RAB2A: variants seen among roughly 807,000 people sequenced by gnomAD.
RAB2A encodes the protein ras-related protein Rab-2A.
A neutral mutation model predicts 32.5 loss-of-function variants in RAB2A; 7 were observed. The ratio of observed to expected loss-of-function variants is 0.22; its 90% CI spans 0.12 to 0.40. The LOEUF (loss-of-function observed/expected upper bound fraction) is 0.40, where lower values mean the gene tolerates loss of function less well. RAB2A is among the 10% of genes least tolerant of loss of function. The pLI, the probability that RAB2A is intolerant of heterozygous loss-of-function variation, is 1.00. For synonymous variants in RAB2A, 79 were observed against 85.2 expected (o/e 0.93, Z 0.40); for missense variants, 108 against 260.7 (o/e 0.41, Z 4.03).
Position 60,623,602 on chromosome 8 carries a change from TTAAAA to T in RAB2A, c.*2838_*2842del, listed in dbSNP as rs1392604298. ...TTTAGATGTGTGCTTTATGTTTACA[TTAAAA>T]TAAAGCCTAACGCCACAGTAGATCA... On this transcript the variant is annotated 3_prime_UTR_variant, in exon 8 of 8. Coordinates refer to ENST00000262646, the MANE Select transcript of RAB2A (RefSeq NM_002865.3). 17 of 152,236 alleles carry T rather than the reference TTAAAA, an allele frequency of 1.1e-4. No homozygotes were observed. Among genetic ancestry groups the T allele is most frequent in the Non-Finnish European group, 2.2e-4 (15 of 68,038 alleles). 9.4% of individuals were successfully genotyped at this position (152,236 alleles called of 1,614,324 possible).
intron 1 of RAB2A, among the ~76,000 whole-genome samples, chr8:60,536,706 T>C (rs1011138662): frequency 6.6e-6 from 1 of 152,252 alleles, no homozygotes; most frequent in Non-Finnish European, 1.5e-5. Context: ...ATTTCACTTA[T>C]AGAATGTTCC....
chr8:60,545,090 T>C (rs1429139492), intron 1 of RAB2A, among the ~76,000 whole-genome samples: 1 of 152,166 alleles, frequency 6.6e-6, no homozygotes, highest in East Asian at 1.9e-4. Context: ...CTTGTGGTTG[T>C]AAAAATAGAA....
chr8:60,561,835 T>G (rs1273194866), intron 2 of RAB2A, among the ~76,000 whole-genome samples: 1 of 152,220 alleles, frequency 6.6e-6, no homozygotes, highest in African/African-American at 2.4e-5. Flanking sequence ...ACATAGCCAC[T>G]ACCAGAATTC....
intron 5 of RAB2A, among the ~76,000 whole-genome samples, chr8:60,586,242 A>T (rs1035378920): frequency 6.6e-6 from 1 of 152,148 alleles, no homozygotes; most frequent in African/African-American, 2.4e-5. Context: ...GGCTGCAGTG[A>T]ACTGTGTTCA....
At position 60,603,434 on chromosome 8, in the gene RAB2A, G is replaced by T. The variant is rs777204797; in HGVS notation, c.474+11465G>T. Reference sequence around the variant, plus strand: ...TTGTTCCAGCACTAGCTGTGTTGTTGCTGGAAATAAGTTTACTATTAGTCT... The same window carrying T: ...TTGTTCCAGCACTAGCTGTGTTGTTTCTGGAAATAAGTTTACTATTAGTCT... On this transcript the variant is annotated intron_variant, in intron 6 of 7. Transcript: ENST00000262646. Among the ~76,000 whole-genome samples, 15 of 152,166 alleles carry T rather than the reference G, an allele frequency of 9.9e-5. No individual in the cohort carries two copies. In the South Asian group the frequency reaches 1.0e-3, roughly 11 times the overall value.
chr8:60,603,808 G>A (rs912836099), intron 6 of RAB2A, among the ~76,000 whole-genome samples: 3 of 152,044 alleles, frequency 2.0e-5, no homozygotes, highest in African/African-American at 7.3e-5. Context: ...ATTACTTGAC[G>A]CCAGGAGTTC....
At chr8:60,568,914 A>T (rs528760660) in intron 2 of RAB2A, among the ~76,000 whole-genome samples, 1 of 152,334 alleles carries the variant, frequency 6.6e-6, no homozygotes, top group Admixed American at 6.5e-5. Flanking sequence ...TCTAAATGGG[A>T]TTCTCAAGCA....
At chr8:60,592,772 G>A (rs1319104) in intron 6 of RAB2A, among the ~76,000 whole-genome samples, 81,122 of 151,944 alleles carry the variant, frequency 0.53, 24,540 homozygotes, top group African/African-American at 0.83. Flanking sequence ...AGATGATTAC[G>A]TAGTTGATCC....
intron 3 of RAB2A, among the ~76,000 whole-genome samples, chr8:60,574,904 G>C (rs7833549): frequency 1.3e-5 from 2 of 152,188 alleles, no homozygotes; most frequent in South Asian, 4.2e-4. Flanking sequence ...ATGGTGGTCC[G>C]TTTAAAGACA....
At position 60,622,628 on chromosome 8, in the gene RAB2A, A is replaced by T. The variant is rs1464993722; in HGVS notation, c.*1859A>T. ...TTTTTAAGCTTCTGTTAATTTTTCC[A>T]GAAGTTTAGTGCGTTTCTTTTCCAT... On this transcript the variant is annotated 3_prime_UTR_variant, in exon 8 of 8. Transcript: ENST00000262646. 1.3e-5 allele frequency: 2 copies of T among 152,218 alleles called. No individual in the cohort carries two copies. The highest frequency in any genetic ancestry group is 2.9e-5 in the Non-Finnish European group (2 of 68,026). The allele number at this position is 152,218 out of a possible 1,614,324, so 9.4% of individuals were successfully genotyped here. A position where few individuals can be genotyped will look rare whatever the true frequency, so the allele number is the denominator to read the frequency against.
chr8:60,577,029 T>G (rs1803643960), intron 3 of RAB2A, among the ~76,000 whole-genome samples: 1 of 144,190 alleles, frequency 6.9e-6, no homozygotes, highest in East Asian at 2.1e-4. Flanking sequence ...TCGGTGATCA[T>G]ATCCTATTTT....
At chr8:60,518,120 G>A (rs538053113) in intron 1 of RAB2A, among the ~76,000 whole-genome samples, 1 of 152,086 alleles carries the variant, frequency 6.6e-6, no homozygotes, top group Non-Finnish European at 1.5e-5. Flanking sequence ...TTAAAATGAC[G>A]TCCTAGTATA....
At chr8:60,598,937 C>CAAAAAAAAAAAAAAAAAAAAAAAAAAAAA (rs56406651) in intron 6 of RAB2A, among the ~76,000 whole-genome samples, 2 of 40,386 alleles carry the variant, frequency 5.0e-5, no homozygotes, top group African/African-American at 1.4e-4. Context: ...TGCAGTAAAG[C>CAAAAAAAAAAAAAAAAAAAAAAAAAAAAA]AAAAAAAAAA....
chr8:60,520,676 G>A (rs938741458), intron 1 of RAB2A, among the ~76,000 whole-genome samples: 1 of 152,102 alleles, frequency 6.6e-6, no homozygotes, highest in Non-Finnish European at 1.5e-5. Flanking sequence ...ACCACTCCCT[G>A]TTGCATTTTA....
chr8:60,531,833 G>A (rs1019746469), intron 1 of RAB2A, among the ~76,000 whole-genome samples: 4 of 132,424 alleles, frequency 3.0e-5, no homozygotes, highest in African/African-American at 1.1e-4. Context: ...ACGGATTTTC[G>A]CTCTTGTTGC....
At chr8:60,599,321 A>G (rs968235519) in intron 6 of RAB2A, among the ~76,000 whole-genome samples, 1 of 152,242 alleles carries the variant, frequency 6.6e-6, no homozygotes, top group African/African-American at 2.4e-5. Context: ...TACTATGCCT[A>G]CTGTTTGGAA....
At chr8:60,558,264 G>A in intron 1 of RAB2A, 1 of 411,590 alleles carries the variant, frequency 2.4e-6, no homozygotes, top group Non-Finnish European at 4.7e-6. Flanking sequence ...AGGGCAAGTA[G>A]GATGAATATA....
intron 3 of RAB2A, among the ~76,000 whole-genome samples, chr8:60,578,194 T>C (rs1803674748): frequency 6.6e-6 from 1 of 152,198 alleles, no homozygotes; most frequent in African/African-American, 2.4e-5. Flanking sequence ...GGTAACATAT[T>C]TGAGTGCCTA....
chr8:60,598,937 C>CAAAAAAAAAAAAAAAAAAAA (rs56406651), intron 6 of RAB2A, among the ~76,000 whole-genome samples: 9 of 40,386 alleles, frequency 2.2e-4, no homozygotes, highest in East Asian at 8.5e-4. Flanking sequence ...TGCAGTAAAG[C>CAAAAAAAAAAAAAAAAAAAA]AAAAAAAAAA....
Sources: gnomAD v4.1 joint callset for allele counts (sites outside exome capture counted in the v4.1 genomes callset) on GRCh38, gnomAD v4.1.1 for gene constraint, MANE v1.5 for transcripts, NCBI Gene and HGNC (gene_info 2026-07-23, HGNC 2026-07-21) for gene names.